The following PDE4D variants were observed in gnomAD, a reference collection of about 807,000 sequenced individuals.
PDE4D encodes the protein 3',5'-cyclic-AMP phosphodiesterase 4D.
A neutral mutation model predicts 87.4 loss-of-function variants in PDE4D; 24 were observed. The ratio of observed to expected loss-of-function variants is 0.27; its 90% CI spans 0.20 to 0.39. The LOEUF (loss-of-function observed/expected upper bound fraction) is 0.39, where lower values mean the gene tolerates loss of function less well. PDE4D is among the 10% of genes least tolerant of loss of function. The pLI, the probability that PDE4D is intolerant of heterozygous loss-of-function variation, is 1.00. For missense variants in PDE4D, 714 were observed against 1,041.0 expected, an observed-to-expected ratio of 0.69 and a Z score of 4.32; for synonymous variants, 384 against 383.2, an observed-to-expected ratio of 1.00 and a Z score of -0.02.
At chr5:60,152,455 C>G (rs187645018) in intron 2 of PDE4D, among the ~76,000 whole-genome samples, 4 of 151,940 alleles carry the variant, frequency 2.6e-5, no homozygotes, top group Admixed American at 2.0e-4. Flanking sequence ...AGATCGAGAC[C>G]ATCCTGCCTA....
intron 1 of PDE4D, among the ~76,000 whole-genome samples, chr5:59,236,141 T>C (rs1031568947): frequency 6.6e-6 from 1 of 152,170 alleles, no homozygotes; most frequent in Admixed American, 6.5e-5. Flanking sequence ...CTGATAGCTA[T>C]TTTTTGACCC....
chr5:59,725,495 GTATATTCATTGCCCA>G (rs1052273905), intron 1 of PDE4D, among the ~76,000 whole-genome samples: 1 of 152,048 alleles, frequency 6.6e-6, no homozygotes, highest in African/African-American at 2.4e-5. Flanking sequence ...TTCTGAAGGA[GTATATTCATTGCCCA>G]AAAAAGGAGA....
At chr5:60,092,069 A>G (rs1463556876) in intron 2 of PDE4D, among the ~76,000 whole-genome samples, 1 of 150,444 alleles carries the variant, frequency 6.6e-6, no homozygotes, top group Non-Finnish European at 1.5e-5. Flanking sequence ...AAAAAAAAAA[A>G]AAAAAAAAAG....
intron 1 of PDE4D, among the ~76,000 whole-genome samples, chr5:59,605,802 A>G (rs1336513453): frequency 6.6e-6 from 1 of 152,024 alleles, no homozygotes; most frequent in Non-Finnish European, 1.5e-5. Flanking sequence ...CTCTGGACCA[A>G]AGTGATGTGA....
At chr5:59,405,427 G>A (rs771717809) in intron 1 of PDE4D, among the ~76,000 whole-genome samples, 1 of 152,102 alleles carries the variant, frequency 6.6e-6, no homozygotes, top group Non-Finnish European at 1.5e-5. Flanking sequence ...TTGAATTTGT[G>A]TCTTGCAACT....
intron 2 of PDE4D, among the ~76,000 whole-genome samples, chr5:60,114,689 A>G (rs927819537): frequency 6.6e-6 from 1 of 152,136 alleles, no homozygotes; most frequent in Non-Finnish European, 1.5e-5. Context: ...AAATCTCACC[A>G]GGCTGCAAAG....
At chr5:59,850,641 G>A (rs574183539) in intron 1 of PDE4D, among the ~76,000 whole-genome samples, 9 of 152,142 alleles carry the variant, frequency 5.9e-5, no homozygotes, top group Middle Eastern at 6.8e-3. Context: ...GAAGGGGAAT[G>A]AAAGGGATGA....
Position 59,038,977 on chromosome 5 carries a change from AAG to A in PDE4D, c.809-8_809-7del, listed in dbSNP as rs780459988. On this transcript the variant is annotated splice_region_variant and splice_polypyrimidine_tract_variant and intron_variant, in intron 5 of 14. Transcript: ENST00000340635. ...CAGTTTCTGGTAGGCCTCCTCTGCG[AAG>A]AGACAGGGAAAGGGGGACTCAGTTC... The A allele has an allele frequency of 1.3e-6, 2 of 1,572,370 alleles. No homozygotes were observed. The highest frequency in any genetic ancestry group is 1.2e-5 in the South Asian group (1 of 85,688).
chr5:59,840,588 G>A (rs1400184717), intron 1 of PDE4D, among the ~76,000 whole-genome samples: 1 of 151,962 alleles, frequency 6.6e-6, no homozygotes, highest in African/African-American at 2.4e-5. Context: ...AACTACTGAA[G>A]CATAGGGAAT....
intron 5 of PDE4D, among the ~76,000 whole-genome samples, chr5:59,115,123 G>T (rs1773377347): frequency 6.6e-6 from 1 of 151,996 alleles, no homozygotes; most frequent in Non-Finnish European, 1.5e-5. Context: ...AGGGGATGGG[G>T]ATTAAATTTG....
Position 59,893,510 on chromosome 5 carries a change from T to A in PDE4D, c.113A>T (p.His38Leu), listed in dbSNP as rs899317244. ...APKHLWRHEQHHQYPLRQPQF... is the reference protein window; with the variant it reads ...APKHLWRHEQLHQYPLRQPQF... ...GGGCTGCCGGAGCGGGTACTGGTGGTGCTGCTCGTGCCTCCAGAGATGCTT... is the reference window on the plus strand; with the variant it reads ...GGGCTGCCGGAGCGGGTACTGGTGGAGCTGCTCGTGCCTCCAGAGATGCTT... Residue 38 changes from histidine (H) to leucine (L), a missense_variant, in exon 1 of 15, where the codon CAC becomes CTC. This residue lies in a region of PDE4D where 268 missense variants were observed against 272.9 expected (regional missense o/e 0.98). Coordinates refer to ENST00000340635, the MANE Select transcript of PDE4D (RefSeq NM_001104631.2). 3 of 1,541,408 alleles carry A rather than the reference T, an allele frequency of 1.9e-6. No homozygotes were observed. The highest frequency in any genetic ancestry group is 2.6e-6 in the Non-Finnish European group (3 of 1,142,930).
At chr5:60,158,297 G>C (rs1243462005) in intron 2 of PDE4D, among the ~76,000 whole-genome samples, 3 of 152,164 alleles carry the variant, frequency 2.0e-5, no homozygotes, top group African/African-American at 7.2e-5. Context: ...TGTATGCCAT[G>C]TTACTGTACT....
chr5:59,118,452 T>C (rs1319940143), intron 5 of PDE4D, among the ~76,000 whole-genome samples: 2 of 152,220 alleles, frequency 1.3e-5, no homozygotes, highest in Non-Finnish European at 2.9e-5. Context: ...CCAATAAATA[T>C]TTATTCATAG....
At chr5:59,283,483 G>C (rs72765992) in intron 1 of PDE4D, among the ~76,000 whole-genome samples, 7,664 of 152,138 alleles carry the variant, frequency 0.05, 262 homozygotes, top group Non-Finnish European at 0.081. Context: ...TTCCTTACAG[G>C]ATCAATTTCA....
chr5:59,020,169 A>G (rs72764055), intron 6 of PDE4D, among the ~76,000 whole-genome samples: 20,619 of 152,190 alleles, frequency 0.14, 1,802 homozygotes, highest in Non-Finnish European at 0.19. Flanking sequence ...CAAACTAAAA[A>G]TTTCATTCAA....
At chr5:59,773,911 A>T (rs1763823845) in intron 1 of PDE4D, among the ~76,000 whole-genome samples, 1 of 152,180 alleles carries the variant, frequency 6.6e-6, no homozygotes, top group African/African-American at 2.4e-5. Flanking sequence ...CCAACAAAGA[A>T]AATAAATACT....
chr5:59,806,821 A>G (rs1767788929), intron 1 of PDE4D, among the ~76,000 whole-genome samples: 1 of 152,244 alleles, frequency 6.6e-6, no homozygotes, highest in Non-Finnish European at 1.5e-5. Context: ...ACATTTAATT[A>G]GCTCAATTTA....
rs188993065 is a variant in PDE4D, at chr5:60,425,218, G to A, written c.-90+62724C>T. ...CATATGGAACCAAAAAAGAGCCCAC[G>A]TTGCCAAGACAATCCTAAGCCAACA... is the stretch of plus-strand genomic sequence containing the variant. On this transcript the variant is annotated intron_variant, in intron 1 of 16. Transcript: ENST00000502484. Among the ~76,000 whole-genome samples, 840 of 152,138 alleles carry A rather than the reference G, an allele frequency of 5.5e-3. 6 individuals are homozygous for A. Among genetic ancestry groups the A allele is most frequent in the African/African-American group, 0.019 (792 of 41,496 alleles).
At position 59,581,780 on chromosome 5, in the gene PDE4D, G is replaced by C. The variant is rs140026074; in HGVS notation, c.455+311388C>G. Among the ~76,000 whole-genome samples, 19 of 152,136 alleles carry C rather than the reference G, an allele frequency of 1.2e-4. No homozygotes were observed. In the East Asian group the frequency reaches 3.5e-3, roughly 28 times the overall value. On this transcript the variant is annotated intron_variant, in intron 1 of 14. Transcript: ENST00000340635. ...ATTTTTAAATTCCAAGGTATTACTA[G>C]AAAAAATTAAGGGGCATACAGCTGA...
Sources: allele counts gnomAD v4.1 joint callset (sites outside exome capture counted in the v4.1 genomes callset), GRCh38; gene constraint gnomAD v4.1.1; regional missense constraint gnomAD v4.1.1; transcripts MANE v1.5; gene names NCBI Gene and HGNC (gene_info 2026-07-23, HGNC 2026-07-21).